TRHDE: variants seen among roughly 807,000 people sequenced by gnomAD.
TRHDE encodes thyrotropin-releasing hormone-degrading ectoenzyme.
Under a neutral mutation model 125.7 loss-of-function variants are expected in TRHDE, and 72 were observed. The ratio of observed to expected loss-of-function variants is 0.57; its 90% CI spans 0.47 to 0.70. The LOEUF is 0.70. Ranked by LOEUF, TRHDE falls within the 30% of genes least tolerant of loss-of-function variation. The pLI is 0.00. For missense variants in TRHDE, 1,110 were observed against 1,327.1 expected, an observed-to-expected ratio of 0.84 and a Z score of 2.54; for synonymous variants, 509 against 509.1, an observed-to-expected ratio of 1.00 and a Z score of 0.00.
At position 72,366,377 on chromosome 12, in the gene TRHDE, C is replaced by T. The variant is rs546920228; in HGVS notation, c.1189-11618C>T. ...TAGTAAATAAATGTGAAGTGATTTA[C>T]AAGAAGAGACTATACAGTATGCCAC... On this transcript the variant is annotated intron_variant, in intron 2 of 18. Coordinates refer to ENST00000261180, the MANE Select transcript of TRHDE (RefSeq NM_013381.3). Among the ~76,000 whole-genome samples the T allele has an allele frequency of 1.9e-4, 29 of 152,258 alleles. 1 individual carries two copies. Among genetic ancestry groups the T allele is most frequent in the Admixed American group, 1.2e-3 (18 of 15,272 alleles).
At position 72,519,333 on chromosome 12, in the gene TRHDE, T is replaced by A. The variant is rs1032626094; in HGVS notation, c.1722+19698T>A. Among the ~76,000 whole-genome samples, 3 of 152,220 alleles carry A rather than the reference T, an allele frequency of 2.0e-5. No homozygotes were observed. In the East Asian group the frequency reaches 5.8e-4, roughly 29 times the overall value. On this transcript the variant is annotated intron_variant, in intron 6 of 18. Coordinates refer to ENST00000261180, the MANE Select transcript of TRHDE (RefSeq NM_013381.3). ...ACATAGTCCCATATTTCTTGGCGGCTTTACTCATTTCTTTTTATTCTTTTT... is the reference window on the plus strand; with the variant it reads ...ACATAGTCCCATATTTCTTGGCGGCATTACTCATTTCTTTTTATTCTTTTT...
At chr12:72,195,357 A>T (rs1314215082) in intron 2 of TRHDE, among the ~76,000 whole-genome samples, 1 of 152,150 alleles carries the variant, frequency 6.6e-6, no homozygotes, top group Non-Finnish European at 1.5e-5. Flanking sequence ...AATAATTTAC[A>T]TTCCCACCAG....
chr12:72,325,819 T>C (rs1445728105), intron 2 of TRHDE, among the ~76,000 whole-genome samples: 1 of 152,206 alleles, frequency 6.6e-6, no homozygotes, highest in Non-Finnish European at 1.5e-5. Flanking sequence ...TTGGGGTTTT[T>C]TTTGCTTAAG....
intron 15 of TRHDE, among the ~76,000 whole-genome samples, chr12:72,632,169 T>A (rs1287942786): frequency 6.6e-6 from 1 of 152,000 alleles, no homozygotes; most frequent in Non-Finnish European, 1.5e-5. Flanking sequence ...GTATTTGCTA[T>A]GGTAACTAAT....
At chr12:72,119,718 G>C (rs1163663031) in intron 2 of TRHDE, among the ~76,000 whole-genome samples, 2 of 152,136 alleles carry the variant, frequency 1.3e-5, no homozygotes, top group African/African-American at 4.8e-5. Flanking sequence ...GTGCTCCACT[G>C]TTGGGTACAT....
At chr12:72,264,401 T>C (rs1197482918) in intron 2 of TRHDE, 1 of 152,010 alleles carries the variant, frequency 6.6e-6, no homozygotes, top group African/African-American at 2.4e-5. Flanking sequence ...TCAATTATCA[T>C]GGGACATTGT....
At chr12:72,188,736 T>A (rs951451811) in intron 2 of TRHDE, among the ~76,000 whole-genome samples, 3 of 152,116 alleles carry the variant, frequency 2.0e-5, no homozygotes, top group African/African-American at 7.2e-5. Context: ...TGAAAGACTT[T>A]AAAAAAAATC....
intron 2 of TRHDE, among the ~76,000 whole-genome samples, chr12:72,236,883 G>A (rs1878347498): frequency 6.6e-6 from 1 of 152,028 alleles, no homozygotes; most frequent in Non-Finnish European, 1.5e-5. Flanking sequence ...TATTTTCATG[G>A]GAATTTCTGT....
At chr12:72,308,150 C>T (rs1363198812) in intron 2 of TRHDE, among the ~76,000 whole-genome samples, 1 of 150,946 alleles carries the variant, frequency 6.6e-6, no homozygotes, top group Non-Finnish European at 1.5e-5. Context: ...GTTGGGCTCT[C>T]AGAGCAGTGT....
At chr12:72,452,766 T>C (rs544986594) in intron 3 of TRHDE, among the ~76,000 whole-genome samples, 1 of 152,120 alleles carries the variant, frequency 6.6e-6, no homozygotes, top group South Asian at 2.1e-4. Context: ...GATCTGGTCA[T>C]TTAAAATCAT....
intron 2 of TRHDE, among the ~76,000 whole-genome samples, chr12:72,261,377 C>T (rs1007557378): frequency 3.9e-5 from 6 of 152,116 alleles, no homozygotes; most frequent in African/African-American, 1.4e-4. Flanking sequence ...TTTACAAAAC[C>T]AGGCAGTCAT....
rs527274133 is a variant in TRHDE at position 72,172,094 on chromosome 12, G to A, written n.279+66342G>A. ...ATATCTCTACCACTGGACAGGGTAA[G>A]GGCATATCAGTATCTTCCAAGAAAG... On this transcript the variant is annotated intron_variant and non_coding_transcript_variant, in intron 2 of 4. Transcript: ENST00000548156. 3.3e-5 allele frequency among the ~76,000 whole-genome samples: 5 copies of A among 152,292 alleles called. No homozygotes were observed. In the East Asian group the frequency reaches 9.7e-4, roughly 29 times the overall value.
chr12:72,593,707 A>T (rs565494803), intron 12 of TRHDE, among the ~76,000 whole-genome samples: 19 of 148,762 alleles, frequency 1.3e-4, no homozygotes, highest in Admixed American at 1.1e-3. Context: ...AATGTTCCCC[A>T]CCCTGTGTCC....
At chr12:72,481,161 C>T (rs933513555) in intron 5 of TRHDE, among the ~76,000 whole-genome samples, 2 of 151,902 alleles carry the variant, frequency 1.3e-5, no homozygotes, top group Non-Finnish European at 2.9e-5. Flanking sequence ...TTTTAAAAGA[C>T]ATTAGAACAC....
At chr12:72,110,072 G>GT (rs1251726157) in intron 2 of TRHDE, among the ~76,000 whole-genome samples, 1 of 152,064 alleles carries the variant, frequency 6.6e-6, no homozygotes, top group African/African-American at 2.4e-5. Context: ...GCCTCAGTCT[G>GT]TTGGATACAC....
intron 3 of TRHDE, among the ~76,000 whole-genome samples, chr12:72,411,874 TG>T (rs1349801639): frequency 2.0e-5 from 3 of 152,122 alleles, no homozygotes; most frequent in African/African-American, 7.2e-5. Flanking sequence ...TGCAGATTAG[TG>T]GAAAAAGACA....
rs555615772 is a variant in TRHDE at position 72,356,460 on chromosome 12, T to C, written c.1189-21535T>C. Among the ~76,000 whole-genome samples, 212 of 151,170 alleles carry C rather than the reference T, an allele frequency of 1.4e-3. 1 individual carries two copies. Among genetic ancestry groups the C allele is most frequent in the African/African-American group, 4.8e-3 (200 of 41,292 alleles). ...TAGACTTAGTACCTGGTTGACAAAATAATATGTACAGCAAACCCCTGTGAC... is the reference window on the plus strand; with the variant it reads ...TAGACTTAGTACCTGGTTGACAAAACAATATGTACAGCAAACCCCTGTGAC... On this transcript the variant is annotated intron_variant, in intron 2 of 18. Coordinates refer to ENST00000261180, the MANE Select transcript of TRHDE (RefSeq NM_013381.3).
At chr12:72,416,036 C>T (rs1461162918) in intron 3 of TRHDE, among the ~76,000 whole-genome samples, 2 of 152,074 alleles carry the variant, frequency 1.3e-5, no homozygotes, top group African/African-American at 2.4e-5. Context: ...CACGTCCTTG[C>T]CAGCATTTGT....
chr12:72,143,338 A>C (rs899941669), intron 2 of TRHDE, among the ~76,000 whole-genome samples: 3 of 152,160 alleles, frequency 2.0e-5, no homozygotes, highest in Non-Finnish European at 2.9e-5. Flanking sequence ...AAGCTTTAAT[A>C]GAGTTTCAAT....
Sources: allele counts gnomAD v4.1 joint callset (sites outside exome capture counted in the v4.1 genomes callset), GRCh38; gene constraint gnomAD v4.1.1; transcripts MANE v1.5; gene names NCBI Gene and HGNC (gene_info 2026-07-23, HGNC 2026-07-21).